ZNF831: variants seen among roughly 807,000 people sequenced by gnomAD.
The protein encoded by ZNF831 is zinc finger protein 831.
ZNF831 carries 59 observed loss-of-function variants against 95.8 expected under a neutral mutation model. That is an observed-to-expected ratio of 0.62 (90% confidence interval 0.50 to 0.77). The LOEUF (loss-of-function observed/expected upper bound fraction) is 0.77. Ranked by LOEUF, ZNF831 falls within the 30% of genes least tolerant of loss-of-function variation. The probability of loss-of-function intolerance (pLI) is 0.00; values close to 1 mark genes in which losing one functional copy is unlikely to be tolerated. For synonymous variants in ZNF831, 961 were observed against 925.5 expected (o/e 1.04, Z -0.70); for missense variants, 2,205 against 2,164.0 (o/e 1.02, Z -0.38).
At position 59,192,957 on chromosome 20, in the gene ZNF831, G is replaced by A. The variant is rs1345298104; in HGVS notation, c.1938G>A (p.Arg646=). 6.3e-7 allele frequency: 1 copy of A among 1,599,304 alleles called. No individual in the cohort carries two copies. The highest frequency in any genetic ancestry group is 1.3e-5 in the African/African-American group (1 of 74,790). Residue 646 remains arginine (R), a synonymous_variant, in exon 2 of 6, where the codon AGG becomes AGA. Transcript: ENST00000371030. This position sits in a 1 kb window ranked among gnomAD's most constrained non-coding sequence, Gnocchi z 5.2. ...KASPHGGKKA[R]EVGMGSGAEL... ...GTCCCCATGGAGGCAAGAAAGCCAGGGAGGTGGGAATGGGCAGTGGGGCAG... is the reference window on the plus strand; with the variant it reads ...GTCCCCATGGAGGCAAGAAAGCCAGAGAGGTGGGAATGGGCAGTGGGGCAG...
chr20:59,185,576 A>G (rs956938032), intron 1 of ZNF831, among the ~76,000 whole-genome samples: 2 of 151,688 alleles, frequency 1.3e-5, no homozygotes, highest in African/African-American at 4.8e-5. Context: ...ATTTGGCCCC[A>G]TTTTCCCAGT....
Position 59,191,621 on chromosome 20 carries a change from G to C in ZNF831, c.602G>C (p.Arg201Pro), listed in dbSNP as rs2146550722. 6.3e-7 allele frequency: 1 copy of C among 1,586,866 alleles called. No individual in the cohort carries two copies. Among genetic ancestry groups the C allele is most frequent in the Non-Finnish European group, 8.6e-7 (1 of 1,164,808 alleles). Residue 201 changes from arginine (R) to proline (P), a missense_variant, in exon 2 of 6, where the codon CGG (arginine) becomes CCG (proline). Arg to Pro is a moderately radical substitution (Grantham distance 103, BLOSUM62 -2). Coordinates refer to ENST00000371030, the MANE Select transcript of ZNF831 (RefSeq NM_178457.3). ...RRTQTHLNNS[R>P]LSSESEGAGG... is the part of the protein sequence containing the mutation. ...ACGCAGACGCACCTCAACAACTCCC[G>C]GCTGTCCTCAGAGTCCGAGGGCGCC...
intron 3 of ZNF831, among the ~76,000 whole-genome samples, chr20:59,203,358 GGGCA>G (rs1984662900): frequency 6.6e-6 from 1 of 152,082 alleles, no homozygotes; most frequent in Admixed American, 6.6e-5. Flanking sequence ...CCAGGCTGCA[GGGCA>G]GTGGCTATTC....
intron 4 of ZNF831, among the ~76,000 whole-genome samples, chr20:59,249,326 G>A (rs372097437): frequency 6.6e-6 from 1 of 151,830 alleles, no homozygotes; most frequent in African/African-American, 2.4e-5. Context: ...TTAGTGTCTG[G>A]AATAGCCTCC....
chr20:59,178,729 G>T (rs1982367119), intron 1 of ZNF831, among the ~76,000 whole-genome samples: 1 of 152,176 alleles, frequency 6.6e-6, no homozygotes, highest in Non-Finnish European at 1.5e-5. Flanking sequence ...TGTATTTATT[G>T]ATTCCATTAG....
chr20:59,192,419 C>T lies in ZNF831; in HGVS notation c.1400C>T (p.Pro467Leu), dbSNP rs1179775792. 1.9e-6 allele frequency: 3 copies of T among 1,611,096 alleles called. No individual in the cohort carries two copies. The highest frequency in any genetic ancestry group is 2.2e-5 in the East Asian group (1 of 44,866). ...RALEPGRRRA[P>L]GPVRSTWTPP... ...CTGGAGCCAGGCCGTAGGAGGGCCC[C>T]GGGCCCCGTGCGCTCCACCTGGACG... Residue 467 changes from proline (P) to leucine (L), a missense_variant, in exon 2 of 6, where the codon CCG becomes CTG. Transcript: ENST00000371030. The surrounding 1 kb of genome is among the most constrained non-coding windows in gnomAD (Gnocchi z 5.2).
At chr20:59,197,145 C>G (rs1389144986) in intron 3 of ZNF831, among the ~76,000 whole-genome samples, 2 of 152,090 alleles carry the variant, frequency 1.3e-5, no homozygotes, top group Non-Finnish European at 2.9e-5. Flanking sequence ...TAACTTTCCC[C>G]TGTAGCTGCT....
intron 1 of ZNF831, among the ~76,000 whole-genome samples, chr20:59,131,421 G>A (rs1979348810): frequency 6.6e-6 from 1 of 152,232 alleles, no homozygotes; most frequent in African/African-American, 2.4e-5. Flanking sequence ...GTCCTTGGGA[G>A]AGCTTCTCAT....
At chr20:59,129,918 C>G (rs1054726182) in intron 1 of ZNF831, among the ~76,000 whole-genome samples, 3 of 152,218 alleles carry the variant, frequency 2.0e-5, no homozygotes, top group East Asian at 1.9e-4. Flanking sequence ...TACCTATCCA[C>G]CTGTTGAAGG....
chr20:59,251,782 AAACTC>A (rs1195696205), intron 4 of ZNF831, among the ~76,000 whole-genome samples: 1 of 152,216 alleles, frequency 6.6e-6, no homozygotes, highest in African/African-American at 2.4e-5. Context: ...AGTCCATAGA[AAACTC>A]AGCAAAATTT....
intron 1 of ZNF831, among the ~76,000 whole-genome samples, chr20:59,183,681 T>G (rs1982794833): frequency 6.6e-6 from 1 of 152,344 alleles, no homozygotes; most frequent in Middle Eastern, 3.4e-3. Flanking sequence ...ATAACTATCT[T>G]TTCACATCTC....
Position 59,253,089 on chromosome 20 carries a change from T to C in ZNF831, c.4139T>C (p.Leu1380Pro), listed in dbSNP as rs1190435286. The C allele has an allele frequency of 6.2e-7, 1 of 1,614,086 alleles. No homozygotes were observed. Among genetic ancestry groups the C allele is most frequent in the Admixed American group, 1.7e-5 (1 of 60,020 alleles). ...AGACAAACCTTAGGAACCCTCTCTC[T>C]TGGTACAAGTTCAAGAATTGTCAGG... ...DCRQTLGTLS[L>P]GTSSRIVREM... Residue 1380 changes from leucine (L) to proline (P), a missense_variant, in exon 5 of 6, where the codon CTT becomes CCT. Physicochemically the swap from Leu to Pro is moderately conservative, Grantham distance 98 (BLOSUM62 -3). Coordinates refer to ENST00000371030, the MANE Select transcript of ZNF831 (RefSeq NM_178457.3).
chr20:59,144,986 G>T (rs1446229404), intron 1 of ZNF831, among the ~76,000 whole-genome samples: 1 of 152,190 alleles, frequency 6.6e-6, no homozygotes, highest in South Asian at 2.1e-4. Flanking sequence ...CCCATGCACG[G>T]GCAGGAGCAG....
At chr20:59,173,958 C>T (rs945346519) in intron 1 of ZNF831, among the ~76,000 whole-genome samples, 1 of 152,152 alleles carries the variant, frequency 6.6e-6, no homozygotes, top group Non-Finnish European at 1.5e-5. Flanking sequence ...ATTGGAGAAG[C>T]TGTGATTTTA....
intron 4 of ZNF831, among the ~76,000 whole-genome samples, chr20:59,228,407 T>TAACTTCCATGCTGCCAACC (rs1361922616): frequency 3.4e-5 from 5 of 148,916 alleles, no homozygotes; most frequent in Non-Finnish European, 5.9e-5. Context: ...GACAGCCAAC[T>TAACTTCCATGCTGCCAACC]AACTTCCATG....
chr20:59,206,197 GA>G (rs1984883254), intron 3 of ZNF831, among the ~76,000 whole-genome samples: 1 of 151,868 alleles, frequency 6.6e-6, no homozygotes, highest in Admixed American at 6.6e-5. Context: ...TCACAAATAA[GA>G]AAGACTAGAT....
chr20:59,230,846 G>A (rs932944414), intron 4 of ZNF831, among the ~76,000 whole-genome samples: 2 of 152,184 alleles, frequency 1.3e-5, no homozygotes, highest in Non-Finnish European at 2.9e-5. Flanking sequence ...CATGAAGACT[G>A]AAAATGCCAA....
At chr20:59,167,488 A>G (rs1366974124) in intron 1 of ZNF831, among the ~76,000 whole-genome samples, 1 of 150,786 alleles carries the variant, frequency 6.6e-6, no homozygotes, top group East Asian at 1.9e-4. Context: ...TTTATGGCTC[A>G]TACTTTTTGT....
chr20:59,191,678 C>G lies in ZNF831; in HGVS notation c.659C>G (p.Ala220Gly). Residue 220 changes from alanine (A) to glycine (G), a missense_variant, in exon 2 of 6, where the codon GCC becomes GGC. By Grantham distance (60) the Ala-to-Gly change is moderately conservative (BLOSUM62 0). Transcript: ENST00000371030. ...GGCCTCCTGGAGGAAGGGGACAAGG[C>G]CGGAGAGCCCCCCAGACCAGAGGGC... is the stretch of plus-strand genomic sequence containing the variant. ...GGGLLEEGDK[A>G]GEPPRPEGRG... 1 of 1,559,116 alleles carries G rather than the reference C, an allele frequency of 6.4e-7. No homozygotes were observed. The highest frequency in any genetic ancestry group is 8.7e-7 in the Non-Finnish European group (1 of 1,152,730).
Sources: gnomAD v4.1 joint callset for allele counts (sites outside exome capture counted in the v4.1 genomes callset) on GRCh38, gnomAD v4.1.1 for gene constraint, Gnocchi (gnomAD v3.1) non-coding constraint, MANE v1.5 for transcripts, NCBI Gene and HGNC (gene_info 2026-07-23, HGNC 2026-07-21) for gene names.